The following ADCY10 variants were observed in gnomAD, a reference collection of about 807,000 sequenced individuals.
The protein encoded by ADCY10 is adenylate cyclase type 10.
ADCY10 carries 156 observed loss-of-function variants against 183.3 expected under a neutral mutation model. The observed-to-expected ratio is 0.85, with a 90% CI of 0.75 to 0.97. ADCY10 has a LOEUF of 0.97. ADCY10 is among the 50% of genes least tolerant of loss of function. The pLI is 0.00. For missense variants in ADCY10, 1,745 were observed against 1,934.3 expected (o/e 0.90, Z 1.84); for synonymous variants, 645 against 670.0 (o/e 0.96, Z 0.58).
At chr1:167,822,284 A>ACAAACTCATGACTGGATTGCCC in intron 29 of ADCY10, 143 bp from the exon 30 acceptor site, 1 of 735,360 alleles carries the variant, frequency 1.4e-6, no homozygotes, top group Admixed American at 1.9e-5. Context: ...GTGGATTGCA[A>ACAAACTCATGACTGGATTGCCC]CAACCTCATG....
chr1:167,837,150 AG>A lies in ADCY10; in HGVS notation c.3077+98del. 6 of 1,100,140 alleles carry A rather than the reference AG, an allele frequency of 5.5e-6. No individual in the cohort carries two copies. In the Admixed American group the frequency reaches 7.0e-5, roughly 13 times the overall value. The allele number at this position is 1,100,140 out of a possible 1,614,324, so 68.1% of individuals were successfully genotyped here. A position where few individuals can be genotyped will look rare whatever the true frequency, so the allele number is the denominator to read the frequency against. On this transcript the variant is annotated intron_variant, in intron 22 of 32. Coordinates refer to ENST00000367851, the MANE Select transcript of ADCY10 (RefSeq NM_018417.6). ...CCAAAGTTTCCCACTTGCATCTAAG[AG>A]GTCAAAAGTACTGGCCAGACAAATG...
chr1:167,878,602 A>G lies in ADCY10; in HGVS notation c.1250T>C (p.Met417Thr). ...IGQKVNLAAR[M>T]MMYYPGIVTC... is the part of the protein sequence containing the mutation. ...CACAATTCCTGGGTAGTACATCATC[A>G]TCCTGGCAGCTAAGTTGACTTTTTG... is the stretch of plus-strand genomic sequence containing the variant. Residue 417 changes from methionine to threonine, a missense_variant, in exon 12 of 33, where the codon ATG becomes ACG. Coordinates refer to ENST00000367851, the MANE Select transcript of ADCY10 (RefSeq NM_018417.6). The G allele has an allele frequency of 1.2e-6, 2 of 1,614,184 alleles. No individual in the cohort carries two copies. The highest frequency in any genetic ancestry group is 1.1e-5 in the South Asian group (1 of 91,080).
intron 24 of ADCY10, 105 bp downstream of exon 24, chr1:167,833,865 G>T: frequency 2.2e-6 from 2 of 899,328 alleles, no homozygotes; most frequent in Non-Finnish European, 1.8e-6. Context: ...GAAGTCTGTG[G>T]CAAGAGATGG....
chr1:167,911,663 C>T (rs1219441618), intron 1 of ADCY10, among the ~76,000 whole-genome samples: 1 of 152,116 alleles, frequency 6.6e-6, no homozygotes, highest in Non-Finnish European at 1.5e-5. Context: ...AGTGTACTCT[C>T]GTGGCAAAAC....
rs544470721 is a variant in ADCY10, at chr1:167,883,959, A to T, written c.829-331T>A. Among the ~76,000 whole-genome samples, 12 of 152,188 alleles carry T rather than the reference A, an allele frequency of 7.9e-5. No individual in the cohort carries two copies. In the East Asian group the frequency reaches 1.7e-3, roughly 22 times the overall value. ...TCTCCTATTTTTAAAAAAATTTAAAATTTTTTAATTTTTGTAGGTCTATAG... is the reference window on the plus strand; with the variant it reads ...TCTCCTATTTTTAAAAAAATTTAAATTTTTTTAATTTTTGTAGGTCTATAG... On this transcript the variant is annotated intron_variant, in intron 8 of 32. Transcript: ENST00000367851.
At chr1:167,821,054 TACGGTTGCATATAATTAAG>T (rs1662879390) in intron 30 of ADCY10, 2 of 152,382 alleles carry the variant, frequency 1.3e-5, no homozygotes, top group South Asian at 4.1e-4. Context: ...TGATAGACCA[TACGGTTGCATATAATTAAG>T]ATAGGAAATA....
Position 167,818,786 on chromosome 1 carries a change from G to A in ADCY10, c.4287-519C>T, listed in dbSNP as rs529879801. Among the ~76,000 whole-genome samples the A allele has an allele frequency of 2.7e-4, 41 of 152,118 alleles. 1 individual carries two copies. Among genetic ancestry groups the A allele is most frequent in the South Asian group, 2.3e-3 (11 of 4,810 alleles). Reference sequence around the variant, plus strand: ...ACTCCTGACCTCAGGTGATCCACCCGCCTTGGCCTCCCAAAGTGCTGGGAT... The same window carrying A: ...ACTCCTGACCTCAGGTGATCCACCCACCTTGGCCTCCCAAAGTGCTGGGAT... On this transcript the variant is annotated intron_variant, in intron 30 of 32. Transcript: ENST00000367851.
chr1:167,845,547 A>C lies in ADCY10; in HGVS notation c.3007+16T>G. On this transcript the variant is annotated intron_variant, in intron 21 of 32. Transcript: ENST00000367851. ...CCCAAGAACAGTTAGGATAATTTTA[A>C]AATGAAGTAGGTTACTTTTAAATCC... is the stretch of plus-strand genomic sequence containing the variant. 1 of 1,613,676 alleles carries C rather than the reference A, an allele frequency of 6.2e-7. No individual in the cohort carries two copies. The highest frequency in any genetic ancestry group is 8.5e-7 in the Non-Finnish European group (1 of 1,179,586).
At chr1:167,900,470 C>T (rs1325311836) in intron 5 of ADCY10, among the ~76,000 whole-genome samples, 1 of 151,932 alleles carries the variant, frequency 6.6e-6, no homozygotes, top group Non-Finnish European at 1.5e-5. Flanking sequence ...TGGGTACTAA[C>T]TTAGAAAAAA....
chr1:167,838,778 C>A (rs916218238), intron 21 of ADCY10, among the ~76,000 whole-genome samples: 1 of 152,214 alleles, frequency 6.6e-6, no homozygotes, highest in African/African-American at 2.4e-5. Flanking sequence ...GTGTAATAGG[C>A]ATTTCAAAAT....
At chr1:167,857,345 C>T (rs1406419415) in intron 16 of ADCY10, among the ~76,000 whole-genome samples, 2 of 152,204 alleles carry the variant, frequency 1.3e-5, no homozygotes, top group African/African-American at 4.8e-5. Context: ...TCTACTCCTG[C>T]AGCCCCGTTC....
At chr1:167,901,569 T>G in intron 5 of ADCY10, 93 bp downstream of exon 5, 2 of 1,317,708 alleles carry the variant, frequency 1.5e-6, no homozygotes, top group Non-Finnish European at 2.2e-6. Context: ...TGAGCCACCA[T>G]GTTCTACTAC....
rs1388091820 is a variant in ADCY10 at position 167,845,707 on chromosome 1, G to T, written c.2863C>A (p.Arg955Ser). The T allele has an allele frequency of 1.2e-6, 2 of 1,614,080 alleles. No individual in the cohort carries two copies. Among genetic ancestry groups the T allele is most frequent in the Admixed American group, 1.7e-5 (1 of 60,000 alleles). Residue 955 changes from arginine (R) to serine (S), a missense_variant, in exon 21 of 33, where the codon CGC becomes AGC. By Grantham distance (110) the Arg-to-Ser change is moderately radical (BLOSUM62 -1). Transcript: ENST00000367851. ...QRKAMHLKCA[R>S]FLEEDAHRCD... ...CTGTGGGCATCTTCTTCTAAAAAGC[G>T]GGCACATTTCAAGTGCATGGCTTTT... is the stretch of plus-strand genomic sequence containing the variant.
At chr1:167,911,238 A>G (rs760339488) in intron 1 of ADCY10, among the ~76,000 whole-genome samples, 11 of 152,238 alleles carry the variant, frequency 7.2e-5, no homozygotes, top group Non-Finnish European at 1.6e-4. Flanking sequence ...GTTCCTCTTC[A>G]AAGACTTTCC....
Position 167,899,449 on chromosome 1 carries a change from T to G in ADCY10, c.616A>C (p.Ser206Arg). 2.5e-6 allele frequency: 4 copies of G among 1,614,180 alleles called. No individual in the cohort carries two copies. The highest frequency in any genetic ancestry group is 2.2e-5 in the South Asian group (2 of 91,082). Reference sequence around the variant, plus strand: ...TTAACTGCTCTCTGATCTGGAACACTCTCAATTTCAATCATGCTCCGGTCA... The same window carrying G: ...TTAACTGCTCTCTGATCTGGAACACGCTCAATTTCAATCATGCTCCGGTCA... ...LCDRSMIEIE[S>R]VPDQRAVKVN... Residue 206 changes from serine (S) to arginine (R), a missense_variant, in exon 6 of 33, where the codon AGT (serine) becomes CGT (arginine). Physicochemically the swap from Ser to Arg is moderately radical, Grantham distance 110. Coordinates refer to ENST00000367851, the MANE Select transcript of ADCY10 (RefSeq NM_018417.6).
At chr1:167,902,148 A>C in intron 3 of ADCY10, 94 bp from the exon 4 acceptor site, 1 of 1,206,538 alleles carries the variant, frequency 8.3e-7, no homozygotes, top group Non-Finnish European at 1.2e-6. Flanking sequence ...ACTAGGTCAA[A>C]AGAACAGTGA....
At chr1:167,831,759 T>G (rs1275777509) in intron 25 of ADCY10, among the ~76,000 whole-genome samples, 3 of 152,218 alleles carry the variant, frequency 2.0e-5, no homozygotes, top group African/African-American at 7.2e-5. Flanking sequence ...GTTTGAATTT[T>G]AAACCTAATA....
At chr1:167,874,452 T>C (rs1667313625) in intron 13 of ADCY10, among the ~76,000 whole-genome samples, 1 of 152,118 alleles carries the variant, frequency 6.6e-6, no homozygotes, top group Admixed American at 6.5e-5. Flanking sequence ...CCAACAGAAT[T>C]ATTGAAAGGA....
chr1:167,845,451 C>A (rs1664934320), intron 21 of ADCY10, 112 bp downstream of exon 21: 3 of 1,144,078 alleles, frequency 2.6e-6, no homozygotes, highest in Non-Finnish European at 3.8e-6. Flanking sequence ...TTCTTTGTGC[C>A]CAAGCCGCTT....
Sources: gnomAD v4.1 joint callset for allele counts (sites outside exome capture counted in the v4.1 genomes callset) on GRCh38, gnomAD v4.1.1 for gene constraint, MANE v1.5 for transcripts, NCBI Gene and HGNC (gene_info 2026-07-23, HGNC 2026-07-21) for gene names.